Variants in RSU1 observed in about 807,000 individuals in gnomAD.
RSU1 encodes Ras suppressor protein 1, also known as rsu-1.
Under a neutral mutation model 31.1 loss-of-function variants are expected in RSU1, and 26 were observed. That is an observed-to-expected ratio of 0.84 (90% CI 0.61 to 1.16). The LOEUF (loss-of-function observed/expected upper bound fraction) is 1.16, where lower values mean the gene tolerates loss of function less well. RSU1 is among the 50% of genes most tolerant of loss of function. The probability of loss-of-function intolerance (pLI) is 0.00; values close to 1 mark genes in which losing one functional copy is unlikely to be tolerated. For missense variants in RSU1, 320 were observed against 339.1 expected (o/e 0.94, Z 0.44); for synonymous variants, 164 against 136.3 (o/e 1.20, Z -1.41).
At chr10:16,756,155 A>G (rs1240637975) in intron 4 of RSU1, among the ~76,000 whole-genome samples, 1 of 152,112 alleles carries the variant, frequency 6.6e-6, no homozygotes, top group Non-Finnish European at 1.5e-5. Context: ...ATTATCTTCA[A>G]TTAGAATGGT....
At chr10:16,716,599 C>T (rs1836145975) in intron 7 of RSU1, among the ~76,000 whole-genome samples, 1 of 152,114 alleles carries the variant, frequency 6.6e-6, no homozygotes. Flanking sequence ...GATAAGAAGA[C>T]TCCAGGGGAC....
At chr10:16,713,315 C>T (rs945140245) in intron 7 of RSU1, among the ~76,000 whole-genome samples, 20 of 152,302 alleles carry the variant, frequency 1.3e-4, no homozygotes, top group African/African-American at 4.8e-4. Context: ...ACTCTTCTCC[C>T]TACGAAGTTC....
intron 8 of RSU1, among the ~76,000 whole-genome samples, chr10:16,635,993 T>A (rs925925872): frequency 3.3e-5 from 5 of 152,216 alleles, no homozygotes; most frequent in Admixed American, 2.6e-4. Flanking sequence ...CTCTCGGTTT[T>A]CTTCATGACT....
At position 16,645,442 on chromosome 10, in the gene RSU1, A is replaced by G. The variant is rs183610243; in HGVS notation, c.731+49581T>C. Among the ~76,000 whole-genome samples the G allele has an allele frequency of 2.1e-3, 320 of 149,732 alleles. 2 individuals carry two copies. The highest frequency in any genetic ancestry group is 7.8e-3 in the African/African-American group (305 of 39,056). The stretch of plus-strand genomic sequence containing the variant: ...ATTTCATTGGAAAATAAACTTTTCC[A>G]AAAGAAAAAATTTCTTTCATGTATG... On this transcript the variant is annotated intron_variant, in intron 8 of 8. Coordinates refer to ENST00000345264, the MANE Select transcript of RSU1 (RefSeq NM_012425.4).
intron 8 of RSU1, among the ~76,000 whole-genome samples, chr10:16,645,790 G>A (rs1162823137): frequency 6.7e-6 from 1 of 149,044 alleles, no homozygotes; most frequent in African/African-American, 2.5e-5. Context: ...CTGGACGACA[G>A]AGCGAGACTC....
At chr10:16,715,648 C>A (rs193173592) in intron 7 of RSU1, among the ~76,000 whole-genome samples, 1 of 152,202 alleles carries the variant, frequency 6.6e-6, no homozygotes, top group Non-Finnish European at 1.5e-5. Flanking sequence ...GGTCTCTATT[C>A]TATTCCATTG....
intron 8 of RSU1, among the ~76,000 whole-genome samples, chr10:16,658,902 C>G (rs1326258064): frequency 1.3e-5 from 2 of 152,168 alleles, no homozygotes; most frequent in Non-Finnish European, 2.9e-5. Flanking sequence ...GCTCCGTATC[C>G]TTGCCCACAA....
At chr10:16,763,791 G>A (rs1336839517) in intron 4 of RSU1, among the ~76,000 whole-genome samples, 2 of 152,192 alleles carry the variant, frequency 1.3e-5, no homozygotes, top group African/African-American at 4.8e-5. Flanking sequence ...CACAAATGTT[G>A]AGAGGGTCAA....
At chr10:16,711,809 T>C (rs933352469) in intron 7 of RSU1, among the ~76,000 whole-genome samples, 5 of 152,200 alleles carry the variant, frequency 3.3e-5, no homozygotes, top group Admixed American at 3.3e-4. Context: ...TAGCATGTGC[T>C]CTATCCTGGA....
intron 8 of RSU1, among the ~76,000 whole-genome samples, chr10:16,662,376 G>A (rs1345130909): frequency 6.6e-6 from 1 of 152,080 alleles, no homozygotes; most frequent in Non-Finnish European, 1.5e-5. Context: ...GAACTAACAT[G>A]TGTTTCTTTG....
At chr10:16,658,784 G>A (rs1834834944) in intron 8 of RSU1, among the ~76,000 whole-genome samples, 1 of 152,124 alleles carries the variant, frequency 6.6e-6, no homozygotes, top group South Asian at 2.1e-4. Context: ...TAAGATTTTT[G>A]TTAAATCAGC....
At chr10:16,779,462 C>T (rs1472506362) in intron 3 of RSU1, among the ~76,000 whole-genome samples, 1 of 152,170 alleles carries the variant, frequency 6.6e-6, no homozygotes, top group Non-Finnish European at 1.5e-5. Context: ...CCCTGTAGAT[C>T]TTAAGTCAGT....
rs146818138 is a variant in RSU1, at chr10:16,694,829, G to A, written c.731+194C>T. ...TGGGCTCAAGCAATCCTCTAGTCTC[G>A]ACTTCCCCAAATGCTAGGATTACAG... On this transcript the variant is annotated intron_variant, in intron 8 of 8. Coordinates refer to ENST00000345264, the MANE Select transcript of RSU1 (RefSeq NM_012425.4). Among the ~76,000 whole-genome samples the A allele has an allele frequency of 1.2e-4, 18 of 152,112 alleles. No individual in the cohort carries two copies. The East Asian group carries it at 1.9e-3, about 16-fold the overall frequency.
At chr10:16,712,477 CTGT>C (rs1185403114) in intron 7 of RSU1, among the ~76,000 whole-genome samples, 1 of 151,898 alleles carries the variant, frequency 6.6e-6, no homozygotes, top group African/African-American at 2.4e-5. Flanking sequence ...TTTCTCTTTA[CTGT>C]TTATTATTCT....
At chr10:16,748,817 G>A (rs1430261677) in intron 7 of RSU1, among the ~76,000 whole-genome samples, 54 of 151,972 alleles carry the variant, frequency 3.6e-4, no homozygotes, top group Non-Finnish European at 1.8e-4. Flanking sequence ...TATGAGTGAG[G>A]GTTTCTCTGA....
chr10:16,630,723 C>G (rs997039380), intron 8 of RSU1, among the ~76,000 whole-genome samples: 4 of 152,190 alleles, frequency 2.6e-5, no homozygotes, highest in African/African-American at 9.6e-5. Context: ...AATATTTCTT[C>G]CTGGGTGGTA....
intron 8 of RSU1, among the ~76,000 whole-genome samples, chr10:16,670,822 C>G (rs758977464): frequency 6.6e-5 from 10 of 152,022 alleles, no homozygotes; most frequent in African/African-American, 2.4e-4. Flanking sequence ...TGGAGTCCAA[C>G]GGCACAATCT....
At chr10:16,809,522 C>T (rs1484876745) in intron 2 of RSU1, among the ~76,000 whole-genome samples, 1 of 152,154 alleles carries the variant, frequency 6.6e-6, no homozygotes, top group Non-Finnish European at 1.5e-5. Flanking sequence ...AACACTGACC[C>T]CTGCTGCTCA....
intron 8 of RSU1, among the ~76,000 whole-genome samples, chr10:16,599,655 G>A (rs1218941258): frequency 6.6e-6 from 1 of 152,186 alleles, no homozygotes; most frequent in African/African-American, 2.4e-5. Flanking sequence ...ATTAAATTAG[G>A]GAAACGCTCT....
Sources: gnomAD v4.1 joint callset for allele counts (sites outside exome capture counted in the v4.1 genomes callset) on GRCh38, gnomAD v4.1.1 for gene constraint, MANE v1.5 for transcripts, NCBI Gene and HGNC (gene_info 2026-07-23, HGNC 2026-07-21) for gene names.